The following LRRIQ1 variants were observed in gnomAD, a reference collection of about 807,000 sequenced individuals.
The protein encoded by LRRIQ1 is leucine-rich repeat- and IQ domain-containing protein 1.
In LRRIQ1, 210 loss-of-function variants were observed where a neutral mutation model predicts 211.9. The observed-to-expected ratio is 0.99, with a 90% CI of 0.89 to 1.11. The LOEUF is 1.11. LRRIQ1 is among the 50% of genes most tolerant of loss of function. LRRIQ1 has a pLI of 0.00. For synonymous variants in LRRIQ1, 699 were observed against 650.1 expected (o/e 1.08, Z -1.14); for missense variants, 2,136 against 1,939.5 (o/e 1.10, Z -1.90).
intron 23 of LRRIQ1, among the ~76,000 whole-genome samples, chr12:85,158,910 T>C (rs940046169): frequency 3.3e-5 from 5 of 151,866 alleles, no homozygotes; most frequent in Non-Finnish European, 5.9e-5. Flanking sequence ...CATTTTTTTA[T>C]TGAGGTAAGA....
intron 3 of LRRIQ1, among the ~76,000 whole-genome samples, chr12:85,043,476 A>G (rs1434602021): frequency 6.6e-6 from 1 of 152,060 alleles, no homozygotes; most frequent in Non-Finnish European, 1.5e-5. Flanking sequence ...CAAAATACCA[A>G]GAGACCAAGG....
At chr12:85,257,365 G>A (rs1393086671) in intron 1 of LRRIQ1, among the ~76,000 whole-genome samples, 1 of 147,880 alleles carries the variant, frequency 6.8e-6, no homozygotes, top group African/African-American at 2.5e-5. Context: ...CCCTGAAGAG[G>A]ACATTAAAAA....
intron 24 of LRRIQ1, among the ~76,000 whole-genome samples, chr12:85,216,764 T>G (rs1894110562): frequency 2.6e-5 from 4 of 151,936 alleles, no homozygotes; most frequent in Admixed American, 2.6e-4. Context: ...ATTTTCAAAT[T>G]AAACGTGAAA....
At chr12:85,266,128 G>A (rs1388238557), downstream of LRRIQ1, among the ~76,000 whole-genome samples, 1 of 152,018 alleles carries the variant, frequency 6.6e-6, no homozygotes, top group East Asian at 1.9e-4. Context: ...TACAAAGTCA[G>A]GATAAAGTCT....
At chr12:85,043,500 G>A (rs536202374) in intron 3 of LRRIQ1, among the ~76,000 whole-genome samples, 2 of 152,058 alleles carry the variant, frequency 1.3e-5, no homozygotes, top group South Asian at 4.2e-4. Context: ...AACCTTGTAG[G>A]GCTTCTCATG....
intron 24 of LRRIQ1, among the ~76,000 whole-genome samples, chr12:85,218,711 C>G (rs900511948): frequency 6.6e-6 from 1 of 152,018 alleles, no homozygotes; most frequent in Non-Finnish European, 1.5e-5. Context: ...GGTAGTGTGA[C>G]AGCCTCATGG....
intron 1 of LRRIQ1, among the ~76,000 whole-genome samples, chr12:85,255,844 T>G (rs1896074578): frequency 6.6e-6 from 1 of 151,700 alleles, no homozygotes; most frequent in South Asian, 2.1e-4. Context: ...CTTAAACCCT[T>G]AAAATAGTCT....
At chr12:85,201,310 T>C (rs1893281021) in intron 24 of LRRIQ1, among the ~76,000 whole-genome samples, 1 of 151,232 alleles carries the variant, frequency 6.6e-6, no homozygotes, top group African/African-American at 2.4e-5. Flanking sequence ...GCTCATAGAA[T>C]GAGTTAGCAA....
At chr12:85,189,443 G>C (rs977965238) in intron 24 of LRRIQ1, among the ~76,000 whole-genome samples, 1 of 152,000 alleles carries the variant, frequency 6.6e-6, no homozygotes, top group Non-Finnish European at 1.5e-5. Flanking sequence ...TACAAGTAAA[G>C]GTAGGGAAAA....
chr12:85,114,966 C>G (rs753791108), intron 15 of LRRIQ1, among the ~76,000 whole-genome samples: 3 of 152,154 alleles, frequency 2.0e-5, no homozygotes, highest in Non-Finnish European at 4.4e-5. Flanking sequence ...CAACTGGCTT[C>G]TTACTTTCAT....
Position 85,154,038 on chromosome 12 carries a change from A to C in LRRIQ1, c.4664A>C (p.Gln1555Pro), listed in dbSNP as rs1014372251. 6.4e-7 allele frequency: 1 copy of C among 1,571,366 alleles called. No individual in the cohort carries two copies. Among genetic ancestry groups the C allele is most frequent in the Non-Finnish European group, 8.6e-7 (1 of 1,159,060 alleles). The change falls in exon 23 of 27, where the codon CAG (glutamine) becomes CCG (proline). Residue 1555 changes from glutamine (Q) to proline (P), a missense_variant. Physicochemically the swap from Gln to Pro is moderately conservative, Grantham distance 76 (BLOSUM62 -1). Transcript: ENST00000393217. Reference protein sequence around the residue: ...EWGFKDISTAQQMLKRAQKMK... With the variant: ...EWGFKDISTAPQMLKRAQKMK... The stretch of plus-strand genomic sequence containing the variant: ...GGCTTTAAGGATATTTCTACTGCTC[A>C]GCAAATGTTGAAGAGGGCACAGAAA...
At chr12:85,047,615 C>A in intron 6 of LRRIQ1, 145 bp downstream of exon 6, 2 of 654,076 alleles carry the variant, frequency 3.1e-6, no homozygotes, top group Non-Finnish European at 5.2e-6. Flanking sequence ...TGTGAATTAA[C>A]AGTATTTAAT....
At chr12:85,117,256 C>A (rs538755544) in intron 15 of LRRIQ1, among the ~76,000 whole-genome samples, 22 of 152,216 alleles carry the variant, frequency 1.4e-4, no homozygotes, top group Non-Finnish European at 2.9e-4. Context: ...CCTCATTCAG[C>A]CAAAATGAGA....
chr12:85,217,219 A>G (rs1033521365), intron 24 of LRRIQ1, among the ~76,000 whole-genome samples: 3 of 151,454 alleles, frequency 2.0e-5, no homozygotes, highest in African/African-American at 7.3e-5. Context: ...GAACATATAG[A>G]CATATGTGCT....
Position 85,038,153 on chromosome 12 carries a change from T to C in LRRIQ1, c.-24T>C. 1 of 1,471,894 alleles carries C rather than the reference T, an allele frequency of 6.8e-7. No individual in the cohort carries two copies. Among genetic ancestry groups the C allele is most frequent in the Non-Finnish European group, 9.1e-7 (1 of 1,104,480 alleles). The allele number at this position is 1,471,894 out of a possible 1,614,324, so 91.2% of individuals were successfully genotyped here. On this transcript the variant is annotated splice_region_variant and 5_prime_UTR_variant, in exon 2 of 27. Transcript: ENST00000393217. ...TTAGCCTCTTCATTTTTTAAAGCAG[T>C]TCTGTGCTTTATTATGAAGAATAAT...
At chr12:85,106,738 T>G in intron 15 of LRRIQ1, 123 bp downstream of exon 15, 1 of 680,800 alleles carries the variant, frequency 1.5e-6, no homozygotes, top group East Asian at 2.9e-5. Flanking sequence ...TAAAAGTCAT[T>G]TTAAACCAAA....
chr12:85,081,401 A>G (rs1243507895), intron 11 of LRRIQ1, among the ~76,000 whole-genome samples: 2 of 151,618 alleles, frequency 1.3e-5, no homozygotes, highest in African/African-American at 4.8e-5. Context: ...CTTGTGCAAC[A>G]TATTCTATTT....
At chr12:85,180,040 C>G (rs1891900983) in intron 24 of LRRIQ1, among the ~76,000 whole-genome samples, 1 of 151,964 alleles carries the variant, frequency 6.6e-6, no homozygotes, top group Non-Finnish European at 1.5e-5. Flanking sequence ...CTCAGAAACA[C>G]TCTTCCTGCC....
intron 8 of LRRIQ1, among the ~76,000 whole-genome samples, chr12:85,058,743 C>T (rs901870166): frequency 1.3e-5 from 2 of 151,970 alleles, no homozygotes; most frequent in Non-Finnish European, 2.9e-5. Context: ...CTATAGAATA[C>T]CTGAAGCTTT....
Sources: allele counts gnomAD v4.1 joint callset (sites outside exome capture counted in the v4.1 genomes callset), GRCh38; gene constraint gnomAD v4.1.1; transcripts MANE v1.5; gene names NCBI Gene and HGNC (gene_info 2026-07-23, HGNC 2026-07-21).